The following POP1 variants were observed in gnomAD, a reference collection of about 807,000 sequenced individuals.
POP1 encodes POP1 ribonuclease P/MRP subunit.
POP1 carries 75 observed loss-of-function variants against 102.2 expected under a neutral mutation model. That is an observed-to-expected ratio of 0.73 (90% CI 0.61 to 0.89). The LOEUF is 0.89. Ranked by LOEUF, POP1 falls within the 40% of genes least tolerant of loss-of-function variation. POP1 has a pLI of 0.00. For missense variants in POP1, 1,116 were observed against 1,267.4 expected, an observed-to-expected ratio of 0.88 and a Z score of 1.81; for synonymous variants, 436 against 464.1, an observed-to-expected ratio of 0.94 and a Z score of 0.78.
intron 11 of POP1, 96 bp downstream of exon 11, chr8:98,140,984 T>C: frequency 2.1e-6 from 3 of 1,454,348 alleles, no homozygotes; most frequent in African/African-American, 1.4e-5. Flanking sequence ...CTCCAGTAAC[T>C]TCATCTGTAA....
Position 98,136,855 on chromosome 8 carries a change from T to C in POP1, c.1269-6T>C. The C allele has an allele frequency of 1.2e-6, 2 of 1,613,468 alleles. No homozygotes were observed. Among genetic ancestry groups the C allele is most frequent in the Non-Finnish European group, 1.7e-6 (2 of 1,179,364 alleles). Reference sequence around the variant, plus strand: ...TTTCCATTTTAAGATGTTCTTTCTTTTTCAGCGATTTGACGATGGAGATGA... The same window carrying C: ...TTTCCATTTTAAGATGTTCTTTCTTCTTCAGCGATTTGACGATGGAGATGA... On this transcript the variant is annotated splice_polypyrimidine_tract_variant and splice_region_variant and intron_variant, in intron 8 of 15. Transcript: ENST00000401707.
At chr8:98,144,113 A>C (rs1816780427) in intron 11 of POP1, among the ~76,000 whole-genome samples, 1 of 151,976 alleles carries the variant, frequency 6.6e-6, no homozygotes, top group African/African-American at 2.4e-5. Flanking sequence ...CTGAGATCGC[A>C]CCACCACACT....
chr8:98,131,965 G>T (rs975547619), intron 5 of POP1, among the ~76,000 whole-genome samples: 1 of 152,168 alleles, frequency 6.6e-6, no homozygotes, highest in South Asian at 2.1e-4. Flanking sequence ...CAGCTTGTTG[G>T]TGGCCTACAT....
chr8:98,120,987 T>G (rs1682512167), intron 1 of POP1, among the ~76,000 whole-genome samples: 1 of 152,058 alleles, frequency 6.6e-6, no homozygotes, highest in South Asian at 2.1e-4. Flanking sequence ...TTCACCATGT[T>G]TGCCAGGCTG....
At chr8:98,140,661 A>T in intron 10 of POP1, 108 bp from the exon 11 acceptor site, 1 of 1,112,200 alleles carries the variant, frequency 9.0e-7, no homozygotes, top group Non-Finnish European at 1.3e-6. Flanking sequence ...TTAAGTAATT[A>T]GTCCAAGAAA....
At chr8:98,152,686 G>A (rs1443468845) in intron 14 of POP1, among the ~76,000 whole-genome samples, 1 of 152,254 alleles carries the variant, frequency 6.6e-6, no homozygotes, top group African/African-American at 2.4e-5. Flanking sequence ...CATTTGGCTT[G>A]TGAGTCAGCC....
intron 8 of POP1, 26 bp downstream of exon 8, chr8:98,136,764 T>C: frequency 1.2e-6 from 2 of 1,612,762 alleles, no homozygotes; most frequent in Non-Finnish European, 1.7e-6. Context: ...GCTTTGAACC[T>C]ACTGAACATT....
chr8:98,133,765 A>G (rs1203659968), intron 5 of POP1, among the ~76,000 whole-genome samples, 184 bp from the exon 6 acceptor site: 2 of 152,220 alleles, frequency 1.3e-5, no homozygotes, highest in Non-Finnish European at 2.9e-5. Flanking sequence ...GGACAGGTTT[A>G]GATATTTTTT....
intron 15 of POP1, among the ~76,000 whole-genome samples, chr8:98,156,731 T>C (rs1809658653): frequency 6.6e-6 from 1 of 152,168 alleles, no homozygotes. Flanking sequence ...CCAAATTAGA[T>C]TTCTTCTAGT....
chr8:98,125,179 GTTTTTTTT>G (rs748014497), intron 2 of POP1, among the ~76,000 whole-genome samples: 1 of 102,260 alleles, frequency 9.8e-6, no homozygotes, highest in African/African-American at 4.1e-5. Context: ...TTTACAGACA[GTTTTTTTT>G]TTTTTTTTTT....
At chr8:98,140,690 C>A in intron 10 of POP1, 79 bp from the exon 11 acceptor site, 1 of 1,483,290 alleles carries the variant, frequency 6.7e-7, no homozygotes, top group Non-Finnish European at 9.4e-7. Context: ...ATTAGGAAAT[C>A]TGAAAGATTT....
At position 98,159,454 on chromosome 8, in the gene POP1, T is replaced by C. The variant is rs1475209862; in HGVS notation, c.*1183T>C. The C allele has an allele frequency of 6.6e-6, 1 of 152,192 alleles. No homozygotes were observed. The highest frequency in any genetic ancestry group is 1.9e-4 in the East Asian group (1 of 5,196). The allele number at this position is 152,192 out of a possible 1,614,324, so 9.4% of individuals were successfully genotyped here. Reference sequence around the variant, plus strand: ...GGCTTTTTTCCAACTATGGAGAAACTCAGTGCTCATCTACTTTAAGTTTCC... The same window carrying C: ...GGCTTTTTTCCAACTATGGAGAAACCCAGTGCTCATCTACTTTAAGTTTCC... On this transcript the variant is annotated 3_prime_UTR_variant, in exon 16 of 16. Transcript: ENST00000401707.
rs192159707 is a variant in POP1, at chr8:98,137,709, G to A, written c.1362+755G>A. Among the ~76,000 whole-genome samples the A allele has an allele frequency of 1.9e-4, 29 of 152,316 alleles. No individual in the cohort carries two copies. In the East Asian group the frequency reaches 4.8e-3, roughly 25 times the overall value. ...GATGTTCCTTTGTGCTGTCCAGTAC[G>A]ACAGCCATTAGCCACATGTGGCAGT... On this transcript the variant is annotated intron_variant, in intron 9 of 15. Transcript: ENST00000401707.
intron 14 of POP1, 82 bp from the exon 15 acceptor site, chr8:98,155,968 G>A (rs10092979): frequency 0.01 from 11,278 of 1,080,800 alleles, 380 homozygotes; most frequent in African/African-American, 0.084. Context: ...TTAAAATAGA[G>A]ATGCATTATA....
At position 98,130,177 on chromosome 8, in the gene POP1, A is replaced by G; in HGVS notation, c.686A>G (p.Lys229Arg). The G allele has an allele frequency of 5.0e-6, 8 of 1,614,214 alleles. No individual in the cohort carries two copies. The highest frequency in any genetic ancestry group is 6.8e-6 in the Non-Finnish European group (8 of 1,180,042). ...TGCCTTGGGGAGAGGCCAACAGTCA[A>G]GAGCCACAGAGCCTGCTATCGAGCC... is the stretch of plus-strand genomic sequence containing the variant. ...GYCLGERPTVKSHRACYRAMT... is the reference protein window; with the variant it reads ...GYCLGERPTVRSHRACYRAMT... The change falls in exon 5 of 16, where the codon AAG becomes AGG. Residue 229 changes from lysine to arginine, a missense_variant. Physicochemically the swap from Lys to Arg is conservative, Grantham distance 26 (BLOSUM62 2). Transcript: ENST00000401707.
rs191298067 is a variant in POP1 at position 98,143,425 on chromosome 8, T to G, written c.1594+2537T>G. Among the ~76,000 whole-genome samples, 32 of 152,208 alleles carry G rather than the reference T, an allele frequency of 2.1e-4. No individual in the cohort carries two copies. In the East Asian group the frequency reaches 5.8e-3, roughly 28 times the overall value. On this transcript the variant is annotated intron_variant, in intron 11 of 15. Coordinates refer to ENST00000401707, the MANE Select transcript of POP1 (RefSeq NM_001145860.2). Reference sequence around the variant, plus strand: ...ATAAAGTACCGAGATCCCATGAACCTCCATCCCCTTCCATGCACCGCCACC... The same window carrying G: ...ATAAAGTACCGAGATCCCATGAACCGCCATCCCCTTCCATGCACCGCCACC...
intron 14 of POP1, among the ~76,000 whole-genome samples, chr8:98,150,986 T>C (rs1448948973): frequency 6.6e-6 from 1 of 152,240 alleles, no homozygotes; most frequent in East Asian, 1.9e-4. Context: ...TTAAAACTTA[T>C]TATAGAAGTA....
intron 2 of POP1, among the ~76,000 whole-genome samples, 185 bp from the exon 3 acceptor site, chr8:98,127,410 C>A (rs940766557): frequency 2.6e-5 from 4 of 152,118 alleles, no homozygotes; most frequent in Non-Finnish European, 4.4e-5. Flanking sequence ...AGCTTTGTGA[C>A]CTCGAGCAAG....
chr8:98,150,441 T>C (rs764564440), intron 13 of POP1, 44 bp from the exon 14 acceptor site: 1 of 1,610,670 alleles, frequency 6.2e-7, no homozygotes, highest in Non-Finnish European at 8.5e-7. Context: ...AGCAATTCAC[T>C]TTAAGTTGGT....
Sources: gnomAD v4.1 joint callset for allele counts (sites outside exome capture counted in the v4.1 genomes callset) on GRCh38, gnomAD v4.1.1 for gene constraint, MANE v1.5 for transcripts, NCBI Gene and HGNC (gene_info 2026-07-23, HGNC 2026-07-21) for gene names.